SLX4IP: variants seen among roughly 807,000 people sequenced by gnomAD.
The protein encoded by SLX4IP is protein SLX4IP.
In SLX4IP, 34 loss-of-function variants were observed where a neutral mutation model predicts 32.9. The ratio of observed to expected loss-of-function variants is 1.03; its 90% CI spans 0.79 to 1.38. The LOEUF is 1.38. SLX4IP is among the 40% of genes most tolerant of loss of function. The probability of loss-of-function intolerance (pLI) is 0.00; values close to 1 mark genes in which losing one functional copy is unlikely to be tolerated. For missense variants in SLX4IP, 444 were observed against 479.0 expected (o/e 0.93, Z 0.68); for synonymous variants, 172 against 171.7 (o/e 1.00, Z -0.01).
chr20:10,574,287 A>T lies in SLX4IP; in HGVS notation c.238+13467A>T, dbSNP rs181815460. Among the ~76,000 whole-genome samples the T allele has an allele frequency of 9.5e-4, 145 of 152,348 alleles. 1 individual carries two copies. Among genetic ancestry groups the T allele is most frequent in the Non-Finnish European group, 9.1e-4 (62 of 68,026 alleles). ...GAAAGGTTAGAATTGTTTTGACCAG[A>T]GGTTGTCAAACTTCAATTTGAACCA... On this transcript the variant is annotated intron_variant, in intron 4 of 7. Transcript: ENST00000334534.
At chr20:10,512,990 T>G (rs916762714) in intron 2 of SLX4IP, among the ~76,000 whole-genome samples, 2 of 151,720 alleles carry the variant, frequency 1.3e-5, no homozygotes, top group African/African-American at 4.9e-5. Context: ...GTTTATGTCC[T>G]TACCATGGTC....
chr20:10,627,777 T>C lies in SLX4IP; in HGVS notation c.*4398T>C, dbSNP rs1359529208. On this transcript the variant is annotated 3_prime_UTR_variant, in exon 8 of 8. Coordinates refer to ENST00000334534, the MANE Select transcript of SLX4IP (RefSeq NM_001009608.3). ...TTGAGCAAAAATCAATAAAACCTTA[T>C]GTTTGACCCTAAAGTATTTGATCAG... 6.6e-6 allele frequency: 1 copy of C among 152,250 alleles called. No individual in the cohort carries two copies. The highest frequency in any genetic ancestry group is 1.5e-5 in the Non-Finnish European group (1 of 68,044). The allele number at this position is 152,250 out of a possible 1,614,324, so 9.4% of individuals were successfully genotyped here.
At chr20:10,465,930 C>T (rs182974051) in intron 2 of SLX4IP, among the ~76,000 whole-genome samples, 1 of 152,294 alleles carries the variant, frequency 6.6e-6, no homozygotes, top group East Asian at 1.9e-4. Context: ...ATCCTTGGTA[C>T]TCCTACCTCC....
In SLX4IP at chr20:10,626,560, A is replaced by G. The variant is rs542104490; in HGVS notation, c.*3181A>G. 26 of 152,176 alleles carry G rather than the reference A, an allele frequency of 1.7e-4. No homozygotes were observed. The highest frequency in any genetic ancestry group is 2.9e-4 in the African/African-American group (12 of 41,442). The allele number at this position is 152,176 out of a possible 1,614,324, so 9.4% of individuals were successfully genotyped here. ...GCGGCATAGATTCTAAGCCACTTCCATGTGCTTTCAGATGGCATCTTAATA... is the reference window on the plus strand; with the variant it reads ...GCGGCATAGATTCTAAGCCACTTCCGTGTGCTTTCAGATGGCATCTTAATA... On this transcript the variant is annotated 3_prime_UTR_variant, in exon 8 of 8. Transcript: ENST00000334534.
intron 4 of SLX4IP, among the ~76,000 whole-genome samples, chr20:10,564,459 G>T (rs1237799541): frequency 6.6e-6 from 1 of 152,124 alleles, no homozygotes; most frequent in East Asian, 1.9e-4. Flanking sequence ...ATTTGCATGA[G>T]TTCCTTACCT....
intron 1 of SLX4IP, among the ~76,000 whole-genome samples, chr20:10,445,913 A>G (rs2065198448): frequency 1.4e-5 from 2 of 142,536 alleles, no homozygotes; most frequent in African/African-American, 2.7e-5. Flanking sequence ...GCCATGAGCC[A>G]CTGTGCCTGG....
chr20:10,451,693 G>T (rs1371787111), intron 1 of SLX4IP, among the ~76,000 whole-genome samples: 1 of 152,146 alleles, frequency 6.6e-6, no homozygotes, highest in Non-Finnish European at 1.5e-5. Flanking sequence ...GATTGGCCAG[G>T]CACGGTGACT....
chr20:10,582,955 C>T (rs2066601797), intron 4 of SLX4IP, among the ~76,000 whole-genome samples: 1 of 151,904 alleles, frequency 6.6e-6, no homozygotes, highest in Non-Finnish European at 1.5e-5. Flanking sequence ...TCTTGAAAGG[C>T]CCTGAATATT....
At chr20:10,472,387 C>T (rs372317799) in intron 2 of SLX4IP, among the ~76,000 whole-genome samples, 14 of 152,018 alleles carry the variant, frequency 9.2e-5, no homozygotes, top group Non-Finnish European at 5.9e-5. Flanking sequence ...CCTGCCACCA[C>T]GCCCGGCTAA....
intron 2 of SLX4IP, among the ~76,000 whole-genome samples, chr20:10,465,076 G>C (rs770604580): frequency 6.6e-6 from 1 of 152,114 alleles, no homozygotes; most frequent in African/African-American, 2.4e-5. Context: ...AGACTTCTGG[G>C]CTACTGCAGC....
chr20:10,488,198 A>G (rs1324579205), intron 2 of SLX4IP, among the ~76,000 whole-genome samples: 3 of 152,228 alleles, frequency 2.0e-5, no homozygotes, highest in Non-Finnish European at 4.4e-5. Context: ...ATTTGGAAAC[A>G]GAGTCTGTAA....
At chr20:10,578,993 A>C (rs1267961128) in intron 4 of SLX4IP, among the ~76,000 whole-genome samples, 12 of 152,164 alleles carry the variant, frequency 7.9e-5, no homozygotes, top group Admixed American at 7.9e-4. Context: ...TATATGATTT[A>C]TAACATTTTT....
In SLX4IP at chr20:10,598,715, G is replaced by C. The variant is rs779925196; in HGVS notation, c.279G>C (p.Gly93=). Residue 93 remains glycine, a synonymous_variant, in exon 5 of 8, where the codon GGG becomes GGC. Transcript: ENST00000334534. ...FQITAYFLKR[G]IRLRCIRSTQ... ...TCACAGCCTATTTCCTCAAGAGAGG[G>C]ATACGCCTTCGCTGCATCAGGAGCA... 5 of 1,614,032 alleles carry C rather than the reference G, an allele frequency of 3.1e-6. No individual in the cohort carries two copies. Among genetic ancestry groups the C allele is most frequent in the Non-Finnish European group, 4.2e-6 (5 of 1,180,010 alleles).
At chr20:10,491,071 T>A (rs1017580352) in intron 2 of SLX4IP, among the ~76,000 whole-genome samples, 2 of 150,670 alleles carry the variant, frequency 1.3e-5, no homozygotes. Flanking sequence ...GGCTCCACTT[T>A]AAAAAAAAAC....
chr20:10,441,729 TTG>T (rs2065161167), intron 1 of SLX4IP, among the ~76,000 whole-genome samples: 1 of 110,486 alleles, frequency 9.1e-6, no homozygotes, highest in Non-Finnish European at 2.3e-5. Context: ...GTGTTTGTTT[TTG>T]TTTTTTTTTT....
intron 2 of SLX4IP, among the ~76,000 whole-genome samples, chr20:10,473,273 T>G (rs1031451119): frequency 1.3e-5 from 2 of 152,170 alleles, no homozygotes; most frequent in Non-Finnish European, 2.9e-5. Flanking sequence ...GTCAGAAAGC[T>G]CAGCAACTAA....
intron 1 of SLX4IP, among the ~76,000 whole-genome samples, chr20:10,452,674 A>ATAT (rs201507537): frequency 0.014 from 1,294 of 93,680 alleles, 18 homozygotes; most frequent in African/African-American, 0.04. Context: ...CAAAAAAAAA[A>ATAT]AAAAAAATAT....
chr20:10,461,329 C>T (rs1029961417), intron 2 of SLX4IP, among the ~76,000 whole-genome samples: 1 of 152,214 alleles, frequency 6.6e-6, no homozygotes, highest in Non-Finnish European at 1.5e-5. Context: ...CCATATTATC[C>T]CATCTTATAG....
At chr20:10,466,837 A>G (rs2065384773) in intron 2 of SLX4IP, among the ~76,000 whole-genome samples, 1 of 139,736 alleles carries the variant, frequency 7.2e-6, no homozygotes, top group South Asian at 2.3e-4. Flanking sequence ...AATATTTAGG[A>G]GGAAAGGAGA....
Sources: allele counts gnomAD v4.1 joint callset (sites outside exome capture counted in the v4.1 genomes callset), GRCh38; gene constraint gnomAD v4.1.1; transcripts MANE v1.5; gene names NCBI Gene and HGNC (gene_info 2026-07-23, HGNC 2026-07-21).